The following RUNX1 variants were observed in gnomAD, a reference collection of about 807,000 sequenced individuals.
RUNX1 encodes the protein RUNX family transcription factor 1.
A neutral mutation model predicts 42.8 loss-of-function variants in RUNX1; 19 were observed. That is an observed-to-expected ratio of 0.44 (90% CI 0.31 to 0.65). The LOEUF (loss-of-function observed/expected upper bound fraction) is 0.65, where lower values mean the gene tolerates loss of function less well. RUNX1 is among the 30% of genes least tolerant of loss of function. The probability of loss-of-function intolerance (pLI) is 0.07; values close to 1 mark genes in which losing one functional copy is unlikely to be tolerated. For synonymous variants in RUNX1, 271 were observed against 289.4 expected (o/e 0.94, Z 0.64); for missense variants, 528 against 672.0 (o/e 0.79, Z 2.37).
rs1287621605 is a variant in RUNX1, at chr21:34,792,125, G to T, written c.*10C>A. 3.5e-6 allele frequency: 5 copies of T among 1,426,850 alleles called. No homozygotes were observed. The African/African-American group carries it at 4.5e-5, about 13-fold the overall frequency. 88.4% of individuals were successfully genotyped at this position (1,426,850 alleles called of 1,614,324 possible). ...GGCCCGCGGGGCCCAGCCGGGCCAG[G>T]CCTGGCGCCTCAGTAGGGCCTCCAC... On this transcript the variant is annotated 3_prime_UTR_variant, in exon 9 of 9. Coordinates refer to ENST00000675419, the MANE Select transcript of RUNX1 (RefSeq NM_001754.5). This position sits in a 1 kb window ranked among gnomAD's most constrained non-coding sequence, Gnocchi z 6.9.
intron 2 of RUNX1, among the ~76,000 whole-genome samples, chr21:34,921,636 T>A (rs1601572603): frequency 7.8e-5 from 1 of 12,770 alleles, no homozygotes; most frequent in African/African-American, 9.1e-5. Flanking sequence ...GACATAATCA[T>A]TTTTTTTTTC....
chr21:34,796,849 A>T (rs1221663518), intron 8 of RUNX1, among the ~76,000 whole-genome samples: 1 of 152,162 alleles, frequency 6.6e-6, no homozygotes, highest in Non-Finnish European at 1.5e-5. Flanking sequence ...CTCTTTTCAG[A>T]CAAGGTGTGG....
chr21:34,975,591 C>CA (rs2058795804), intron 2 of RUNX1, among the ~76,000 whole-genome samples: 1 of 152,126 alleles, frequency 6.6e-6, no homozygotes, highest in African/African-American at 2.4e-5. Flanking sequence ...CCCATGGATA[C>CA]TGGGGGGTGA....
chr21:34,844,522 G>A (rs950096976), intron 6 of RUNX1, among the ~76,000 whole-genome samples: 2 of 152,210 alleles, frequency 1.3e-5, no homozygotes, highest in African/African-American at 4.8e-5. Flanking sequence ...GGACAGGACC[G>A]AGGTAAAGGC....
intron 6 of RUNX1, among the ~76,000 whole-genome samples, chr21:34,840,509 A>G (rs1220604891): frequency 1.3e-5 from 2 of 152,234 alleles, no homozygotes; most frequent in African/African-American, 4.8e-5. Context: ...CAACAATTAC[A>G]TCTGCTGCCA....
chr21:34,823,430 GT>G (rs56957776), intron 7 of RUNX1, among the ~76,000 whole-genome samples: 103 of 99,628 alleles, frequency 1.0e-3, no homozygotes, highest in African/African-American at 4.8e-3. Flanking sequence ...TTCCTGGTGG[GT>G]TTTTTTTTTT....
intron 2 of RUNX1, among the ~76,000 whole-genome samples, chr21:34,906,316 A>G (rs2058219150): frequency 6.6e-6 from 1 of 152,234 alleles, no homozygotes; most frequent in South Asian, 2.1e-4. Flanking sequence ...AAGTGTTGCT[A>G]GTCCGTGAGG....
intron 2 of RUNX1, among the ~76,000 whole-genome samples, chr21:34,968,657 C>T (rs779779065): frequency 1.3e-5 from 2 of 151,948 alleles, no homozygotes; most frequent in African/African-American, 2.4e-5. Context: ...CTGCCAGGCA[C>T]CCCCTCCCCA....
At position 34,792,587 on chromosome 21, in the gene RUNX1, T is replaced by C. The variant is rs937059549; in HGVS notation, c.991A>G (p.Ser331Gly). 1.9e-6 allele frequency: 3 copies of C among 1,599,292 alleles called. No individual in the cohort carries two copies. In the African/African-American group the frequency reaches 4.0e-5, roughly 21 times the overall value. ...LSTAPDLTAF[S>G]DPRQFPALPS... ...AGCGCGGGGAACTGGCGCGGGTCGC[T>C]GAACGCTGTCAGGTCGGGTGCCGCT... The change falls in exon 9 of 9, where the codon AGC becomes GGC. Residue 331 changes from serine (S) to glycine (G), a missense_variant. Transcript: ENST00000675419. This position sits in a 1 kb window ranked among gnomAD's most constrained non-coding sequence, Gnocchi z 6.9.
intron 2 of RUNX1, among the ~76,000 whole-genome samples, chr21:34,895,184 C>T (rs2058120195): frequency 6.6e-6 from 1 of 152,102 alleles, no homozygotes; most frequent in Non-Finnish European, 1.5e-5. Flanking sequence ...AGCCAAGGTC[C>T]ATTTGGCTGA....
intron 2 of RUNX1, among the ~76,000 whole-genome samples, chr21:34,944,496 T>C (rs190680487): frequency 4.6e-4 from 70 of 152,358 alleles, no homozygotes; most frequent in Admixed American, 4.4e-3. Context: ...TGGGTACGAA[T>C]GCCAGCACTG....
intron 5 of RUNX1, among the ~76,000 whole-genome samples, chr21:34,870,750 G>A (rs2146300334): frequency 6.6e-6 from 1 of 152,246 alleles, no homozygotes; most frequent in East Asian, 1.9e-4. Context: ...ACGAGGTCAA[G>A]AGATCGAGAC....
intron 2 of RUNX1, among the ~76,000 whole-genome samples, chr21:34,939,170 ATGTTAG>A (rs1235255612): frequency 6.6e-6 from 1 of 152,238 alleles, no homozygotes; most frequent in Non-Finnish European, 1.5e-5. Context: ...AATGGATCAA[ATGTTAG>A]ATTTTCCACA....
In RUNX1 at chr21:35,030,194, T is replaced by C. The variant is rs2059263433; in HGVS notation, c.58+18648A>G. Among the ~76,000 whole-genome samples, 3 of 152,062 alleles carry C rather than the reference T, an allele frequency of 2.0e-5. 1 individual carries two copies. Among genetic ancestry groups the C allele is most frequent in the Admixed American group, 1.3e-4 (2 of 15,260 alleles). ...ATGTCTCTACTAAAAATACAAAAAA[T>C]TAGCCGGGCATGGCGGTGTGCACCT... On this transcript the variant is annotated intron_variant, in intron 2 of 8. Coordinates refer to ENST00000675419, the MANE Select transcript of RUNX1 (RefSeq NM_001754.5).
intron 2 of RUNX1, among the ~76,000 whole-genome samples, chr21:35,042,026 C>T (rs900035691): frequency 1.3e-5 from 2 of 152,114 alleles, no homozygotes; most frequent in Admixed American, 6.5e-5. Context: ...TTTCCAGCTG[C>T]GAGAAACCGA....
chr21:34,878,360 AAT>A (rs1555898234), intron 5 of RUNX1, among the ~76,000 whole-genome samples: 3,693 of 133,334 alleles, frequency 0.028, 159 homozygotes, highest in African/African-American at 0.1. Context: ...AAAAAAAAAA[AAT>A]ATATATATAT....
intron 5 of RUNX1, among the ~76,000 whole-genome samples, chr21:34,870,596 C>A (rs1278063375): frequency 6.6e-6 from 1 of 152,180 alleles, no homozygotes; most frequent in Non-Finnish European, 1.5e-5. Flanking sequence ...TCAGCAACAC[C>A]CAAGTTGAAA....
chr21:34,900,675 T>C (rs1158922645), intron 2 of RUNX1, among the ~76,000 whole-genome samples: 1 of 152,240 alleles, frequency 6.6e-6, no homozygotes, highest in Non-Finnish European at 1.5e-5. Context: ...TCATTTCCAC[T>C]TAACATTCAC....
At chr21:34,868,012 C>T (rs1433336458) in intron 5 of RUNX1, among the ~76,000 whole-genome samples, 3 of 152,214 alleles carry the variant, frequency 2.0e-5, no homozygotes, top group Non-Finnish European at 4.4e-5. Flanking sequence ...CACAGAGCTG[C>T]AGCTGGGAGG....
Sources: allele counts gnomAD v4.1 joint callset (sites outside exome capture counted in the v4.1 genomes callset), GRCh38; gene constraint gnomAD v4.1.1; non-coding constraint Gnocchi (gnomAD v3.1); transcripts MANE v1.5; gene names NCBI Gene and HGNC (gene_info 2026-07-23, HGNC 2026-07-21).